The following ERC2 variants were observed in gnomAD, a reference collection of about 807,000 sequenced individuals.
The protein encoded by ERC2 is ELKS/RAB6-interacting/CAST family member 2, also known as ERC protein 2.
ERC2 carries 42 observed loss-of-function variants against 114.8 expected under a neutral mutation model. The observed-to-expected ratio is 0.37, with a 90% confidence interval of 0.29 to 0.47. The LOEUF (loss-of-function observed/expected upper bound fraction) is 0.47. Among genes scored for constraint, ERC2 ranks in the 20% least tolerant of loss-of-function variants. The pLI is 0.99. For synonymous variants in ERC2, 454 were observed against 425.5 expected (o/e 1.07, Z -0.82); for missense variants, 939 against 1,150.7 (o/e 0.82, Z 2.66).
chr3:55,651,014 A>ATTTTTT (rs71096493), intron 17 of ERC2, among the ~76,000 whole-genome samples: 29 of 96,312 alleles, frequency 3.0e-4, no homozygotes, highest in Non-Finnish European at 4.3e-4. Flanking sequence ...CACCCAGCTA[A>ATTTTTT]TTTTTTTTTT....
chr3:56,301,198 G>A (rs766966244), intron 2 of ERC2, among the ~76,000 whole-genome samples: 4 of 152,198 alleles, frequency 2.6e-5, no homozygotes, highest in Non-Finnish European at 4.4e-5. Flanking sequence ...TTTTCAGGTA[G>A]TCACACTATT....
chr3:56,091,901 A>G (rs2077813384), intron 6 of ERC2, among the ~76,000 whole-genome samples: 1 of 152,172 alleles, frequency 6.6e-6, no homozygotes, highest in Admixed American at 6.5e-5. Context: ...ATAAAGGACT[A>G]TATAATCCCA....
intron 17 of ERC2, among the ~76,000 whole-genome samples, chr3:55,572,943 C>G (rs1384515945): frequency 2.0e-5 from 3 of 152,196 alleles, no homozygotes; most frequent in Non-Finnish European, 2.9e-5. Flanking sequence ...TCCAGGAGCT[C>G]AGAAACCCCA....
chr3:56,441,136 A>G (rs1282570003), intron 1 of ERC2, among the ~76,000 whole-genome samples: 1 of 152,338 alleles, frequency 6.6e-6, no homozygotes, highest in African/African-American at 2.4e-5. Context: ...GATGCAAAGA[A>G]GTCCAAGCTA....
chr3:56,394,498 C>T (rs963355788), intron 2 of ERC2, among the ~76,000 whole-genome samples: 10 of 152,092 alleles, frequency 6.6e-5, no homozygotes, highest in South Asian at 6.2e-4. Flanking sequence ...ATATAAAGAA[C>T]TCTTCATACA....
At chr3:55,598,970 A>G (rs2058276252) in intron 17 of ERC2, among the ~76,000 whole-genome samples, 1 of 152,220 alleles carries the variant, frequency 6.6e-6, no homozygotes, top group Non-Finnish European at 1.5e-5. Flanking sequence ...CAGGCAGTAC[A>G]GATTTTCCCT....
intron 17 of ERC2, among the ~76,000 whole-genome samples, chr3:55,534,298 A>ATATGGC (rs2053851861): frequency 1.3e-5 from 2 of 151,578 alleles, no homozygotes; most frequent in Admixed American, 1.3e-4. Context: ...GCGTGGTGGC[A>ATATGGC]TATGGCTGTG....
chr3:55,875,067 A>G (rs2062763597), intron 14 of ERC2, among the ~76,000 whole-genome samples: 1 of 152,196 alleles, frequency 6.6e-6, no homozygotes, highest in Non-Finnish European at 1.5e-5. Context: ...TGCTCACAGC[A>G]GTCAGCTTCC....
intron 17 of ERC2, among the ~76,000 whole-genome samples, chr3:55,536,237 T>C (rs1291930277): frequency 6.6e-6 from 1 of 152,190 alleles, no homozygotes; most frequent in Non-Finnish European, 1.5e-5. Flanking sequence ...CCTCCTTCAC[T>C]GGACAAACTC....
chr3:56,333,303 T>A (rs554233791), intron 2 of ERC2, among the ~76,000 whole-genome samples: 2 of 152,238 alleles, frequency 1.3e-5, no homozygotes, highest in Non-Finnish European at 2.9e-5. Context: ...AAGGAAATCA[T>A]TTGAAAGGCA....
In ERC2 at chr3:56,015,942, A is replaced by G. The variant is rs2073275545; in HGVS notation, c.1779+2952T>C. 2.0e-5 allele frequency among the ~76,000 whole-genome samples: 3 copies of G among 152,084 alleles called. No individual in the cohort carries two copies. In the South Asian group the frequency reaches 6.2e-4, roughly 32 times the overall value. On this transcript the variant is annotated intron_variant, in intron 8 of 17. Transcript: ENST00000288221. Reference sequence around the variant, plus strand: ...GTATCTCACTGTGGTTTTGATTTGCATTTCTCTAATGATCAGTGATGTTGA... The same window carrying G: ...GTATCTCACTGTGGTTTTGATTTGCGTTTCTCTAATGATCAGTGATGTTGA...
intron 12 of ERC2, among the ~76,000 whole-genome samples, chr3:55,969,432 CA>C (rs1559951299): frequency 5.3e-5 from 8 of 150,402 alleles, no homozygotes; most frequent in Admixed American, 4.0e-4. Flanking sequence ...CACACACACA[CA>C]CACCCTTCAC....
intron 17 of ERC2, among the ~76,000 whole-genome samples, chr3:55,585,774 T>C (rs991267927): frequency 2.6e-4 from 40 of 152,286 alleles, no homozygotes; most frequent in African/African-American, 7.0e-4. Flanking sequence ...TTTGCAGCCA[T>C]GTGAACTACC....
At chr3:55,698,775 C>T (rs2063070103) in intron 16 of ERC2, among the ~76,000 whole-genome samples, 1 of 152,100 alleles carries the variant, frequency 6.6e-6, no homozygotes, top group Non-Finnish European at 1.5e-5. Context: ...ATAGTTTTTG[C>T]ATTTGGTGGG....
intron 17 of ERC2, among the ~76,000 whole-genome samples, chr3:55,588,646 C>A (rs1218005882): frequency 6.6e-6 from 1 of 152,298 alleles, no homozygotes; most frequent in East Asian, 1.9e-4. Context: ...TACCTAACCT[C>A]TGAGTGTGAT....
At chr3:55,550,872 C>T (rs1026533256) in intron 17 of ERC2, among the ~76,000 whole-genome samples, 7 of 151,764 alleles carry the variant, frequency 4.6e-5, no homozygotes, top group Admixed American at 6.6e-5. Context: ...AAAAATTAGC[C>T]GGGCGTGGTG....
chr3:55,648,580 T>C (rs933538598), intron 17 of ERC2, among the ~76,000 whole-genome samples: 1 of 152,102 alleles, frequency 6.6e-6, no homozygotes, highest in African/African-American at 2.4e-5. Flanking sequence ...GTCTGCATGG[T>C]TGTCCCTGAG....
rs1280416700 is a variant in ERC2, at chr3:55,759,482, A to C, written c.2565-24564T>G. ...TTCATTAAAAAAAAAAAAAAAAAAA[A>C]AAAAAAAAAAAAAAAAGGTTAAGGT... On this transcript the variant is annotated intron_variant, in intron 14 of 17. Coordinates refer to ENST00000288221, the MANE Select transcript of ERC2 (RefSeq NM_015576.3). 2.0e-5 allele frequency among the ~76,000 whole-genome samples: 3 copies of C among 148,008 alleles called. 1 individual carries two copies. The highest frequency in any genetic ancestry group is 1.3e-4 in the Admixed American group (2 of 14,940).
At chr3:56,292,603 C>CA (rs1244077052) in intron 3 of ERC2, among the ~76,000 whole-genome samples, 5 of 150,122 alleles carry the variant, frequency 3.3e-5, no homozygotes, top group Admixed American at 6.6e-5. Flanking sequence ...CCGCCCCCCG[C>CA]AAAAAAAAGA....
Sources: allele counts gnomAD v4.1 joint callset (sites outside exome capture counted in the v4.1 genomes callset), GRCh38; gene constraint gnomAD v4.1.1; transcripts MANE v1.5; gene names NCBI Gene and HGNC (gene_info 2026-07-23, HGNC 2026-07-21).